Variants in NCAPD3 observed in about 807,000 individuals in gnomAD.
NCAPD3 encodes the protein condensin-2 complex subunit D3.
In NCAPD3, 105 loss-of-function variants were observed where a neutral mutation model predicts 182.9. The observed-to-expected ratio is 0.57, with a 90% CI of 0.49 to 0.68. The LOEUF is 0.68. NCAPD3 is among the 30% of genes least tolerant of loss of function. NCAPD3 has a pLI of 0.00. For synonymous variants in NCAPD3, 815 were observed against 679.9 expected (o/e 1.20, Z -3.09); for missense variants, 1,944 against 1,837.0 (o/e 1.06, Z -1.07).
chr11:134,167,635 A>C (rs1370623321), intron 27 of NCAPD3, among the ~76,000 whole-genome samples: 495 of 48,984 alleles, frequency 0.01, no homozygotes, highest in Middle Eastern at 0.056. Flanking sequence ...GGGGCACACT[A>C]GTGAGATGAG....
chr11:134,168,928 G>T lies in NCAPD3; in HGVS notation c.3228C>A (p.Pro1076=), dbSNP rs149247647. ...YEKHEKYNKF[P]QSEREKRLFS... is the part of the protein sequence containing the mutation. Reference sequence around the variant, plus strand: ...GCTGCTTCACTGACCTCTCTGACTGGGGGAACTTGTTGTACTTCTCATGCT... The same window carrying T: ...GCTGCTTCACTGACCTCTCTGACTGTGGGAACTTGTTGTACTTCTCATGCT... The change falls in exon 25 of 35, where the codon CCC becomes CCA. Residue 1076 remains proline, a synonymous_variant. Coordinates refer to ENST00000534548, the MANE Select transcript of NCAPD3 (RefSeq NM_015261.3). 1,425 of 1,613,178 alleles carry T rather than the reference G, an allele frequency of 8.8e-4. 4 individuals carry two copies. Among genetic ancestry groups the T allele is most frequent in the Non-Finnish European group, 7.6e-4 (895 of 1,179,532 alleles).
chr11:134,168,141 G>C lies in NCAPD3; in HGVS notation c.3428C>G (p.Ser1143Ter). 2 of 1,614,160 alleles carry C rather than the reference G, an allele frequency of 1.2e-6. No individual in the cohort carries two copies. Among genetic ancestry groups the C allele is most frequent in the Non-Finnish European group, 1.7e-6 (2 of 1,180,002 alleles). ...TGAGCTGAGGACCTCAAACGTGTCT[G>C]AGAGTAACTCACTGGCGTCCAGGTC... ...PLDLDASELL[S>*]DTFEVLSSKE... The change falls in exon 27 of 35, where the codon TCA becomes TGA. Residue 1143 changes from serine (S) to a stop codon, truncating the protein, a stop_gained. Transcript: ENST00000534548. LOFTEE classifies it high-confidence loss of function.
intron 22 of NCAPD3, chr11:134,177,796 C>T (rs570024812): frequency 3.5e-6 from 1 of 282,904 alleles, no homozygotes; most frequent in African/African-American, 2.2e-5. Context: ...ACATTTTACT[C>T]CTGATTATAC....
At chr11:134,202,353 G>A (rs1944767121) in intron 13 of NCAPD3, among the ~76,000 whole-genome samples, 1 of 152,096 alleles carries the variant, frequency 6.6e-6, no homozygotes. Context: ...TAACTAAGCT[G>A]GTACAAAAAA....
chr11:134,190,636 G>A (rs184676192), intron 16 of NCAPD3, among the ~76,000 whole-genome samples: 75 of 152,216 alleles, frequency 4.9e-4, no homozygotes, highest in Non-Finnish European at 1.9e-4. Context: ...ACAGGCGTGC[G>A]CCACCACAAA....
intron 20 of NCAPD3, among the ~76,000 whole-genome samples, chr11:134,179,753 A>G (rs1331706418): frequency 6.6e-6 from 1 of 152,226 alleles, no homozygotes; most frequent in African/African-American, 2.4e-5. Context: ...TCAGTTTAAC[A>G]ACTAAGTAAT....
chr11:134,174,255 C>A lies in NCAPD3; in HGVS notation c.3101+2052G>T, dbSNP rs184046161. ...AAAACTAGCCGAGTATGGTGGCATG[C>A]ACCTGTAGTCCGAGTTATCTGGGAG... On this transcript the variant is annotated intron_variant, in intron 24 of 34. Transcript: ENST00000534548. Among the ~76,000 whole-genome samples the A allele has an allele frequency of 3.2e-4, 48 of 151,618 alleles. 1 individual carries two copies. Among genetic ancestry groups the A allele is most frequent in the Non-Finnish European group, 6.8e-4 (46 of 67,876 alleles).
Position 134,178,811 on chromosome 11 carries a change from A to C in NCAPD3, c.2674+11T>G, listed in dbSNP as rs1398534687. ...CATGCGTGCTACAGAGTATGATTTC[A>C]AATGCCTTACAGTGGTCAGCATCAG... On this transcript the variant is annotated intron_variant, in intron 21 of 34. Coordinates refer to ENST00000534548, the MANE Select transcript of NCAPD3 (RefSeq NM_015261.3). The C allele has an allele frequency of 3.7e-6, 6 of 1,613,638 alleles. No homozygotes were observed. Among genetic ancestry groups the C allele is most frequent in the Non-Finnish European group, 5.1e-6 (6 of 1,179,660 alleles).
chr11:134,223,816 T>C (rs370240668), intron 1 of NCAPD3, 47 bp downstream of exon 1: 16 of 1,497,806 alleles, frequency 1.1e-5, no homozygotes, highest in Middle Eastern at 2.0e-4. Flanking sequence ...CGGGGACGCA[T>C]AGGACCCTCG....
At chr11:134,172,015 G>A (rs1944017473) in intron 24 of NCAPD3, among the ~76,000 whole-genome samples, 1 of 152,144 alleles carries the variant, frequency 6.6e-6, no homozygotes, top group Non-Finnish European at 1.5e-5. Flanking sequence ...ATGCCCCTCA[G>A]GAAACCTACA....
rs149891979 is a variant in NCAPD3, at chr11:134,174,055, C to T, written c.3101+2252G>A. Among the ~76,000 whole-genome samples the T allele has an allele frequency of 1.4e-4, 22 of 152,080 alleles. No homozygotes were observed. In the East Asian group the frequency reaches 3.5e-3, roughly 24 times the overall value. ...TCATAAAAAATTCAATAGGCTCTGC[C>T]ACCATAGTCTCTTCCTAAGATCTGC... On this transcript the variant is annotated intron_variant, in intron 24 of 34. Transcript: ENST00000534548.
intron 19 of NCAPD3, among the ~76,000 whole-genome samples, chr11:134,184,267 G>T (rs1329615908): frequency 6.6e-6 from 1 of 152,214 alleles, no homozygotes; most frequent in Non-Finnish European, 1.5e-5. Context: ...TGTTCTGGAG[G>T]GAACTTCCTG....
Position 134,181,792 on chromosome 11 carries a change from A to T in NCAPD3, c.2452-608T>A, listed in dbSNP as rs527253511. On this transcript the variant is annotated intron_variant, in intron 19 of 34. Coordinates refer to ENST00000534548, the MANE Select transcript of NCAPD3 (RefSeq NM_015261.3). ...TGTAGGAAACCATTCCAAAACACCT[A>T]GGTTGAGCTAAGGGCCTCCACCCCC... 3.3e-5 allele frequency among the ~76,000 whole-genome samples: 5 copies of T among 152,278 alleles called. No individual in the cohort carries two copies. In the East Asian group the frequency reaches 9.7e-4, roughly 29 times the overall value.
At chr11:134,186,999 T>C (rs1032994638) in intron 16 of NCAPD3, among the ~76,000 whole-genome samples, 9 of 152,210 alleles carry the variant, frequency 5.9e-5, no homozygotes, top group East Asian at 1.9e-4. Context: ...GTTTATTATA[T>C]GTAGCCAACA....
intron 17 of NCAPD3, 87 bp from the exon 18 acceptor site, chr11:134,185,087 G>A: frequency 9.0e-7 from 1 of 1,110,966 alleles, no homozygotes; most frequent in Non-Finnish European, 1.4e-6. Flanking sequence ...TAATAACACT[G>A]GAGGAAGCAG....
chr11:134,169,743 CTG>C (rs911639371), intron 24 of NCAPD3, among the ~76,000 whole-genome samples: 4 of 152,206 alleles, frequency 2.6e-5, no homozygotes, highest in Admixed American at 2.0e-4. Flanking sequence ...AACAGGCAAA[CTG>C]TTTGACTACA....
chr11:134,158,425 C>T lies in NCAPD3; in HGVS notation c.3938G>A (p.Ser1313Asn), dbSNP rs1943487888. 6.2e-7 allele frequency: 1 copy of T among 1,614,224 alleles called. No homozygotes were observed. The change falls in exon 30 of 35, where the codon AGC (serine) becomes AAC (asparagine). Residue 1313 changes from serine (S) to asparagine (N), a missense_variant. Coordinates refer to ENST00000534548, the MANE Select transcript of NCAPD3 (RefSeq NM_015261.3). Reference sequence around the variant, plus strand: ...ACTTGCCCTGGGTGTGCAGGGCTGGCTCACGGCAGGTGACATGGCAGGGTT... The same window carrying T: ...ACTTGCCCTGGGTGTGCAGGGCTGGTTCACGGCAGGTGACATGGCAGGGTT... ...QENPAMSPAV[S>N]QPCTPRASAG...
At chr11:134,165,361 G>T (rs1943743698) in intron 27 of NCAPD3, among the ~76,000 whole-genome samples, 2 of 150,828 alleles carry the variant, frequency 1.3e-5, no homozygotes, top group Admixed American at 1.3e-4. Flanking sequence ...AGCTTGGGAA[G>T]GGCGCACTCG....
chr11:134,157,187 A>T, intron 31 of NCAPD3, 92 bp from the exon 32 acceptor site: 1 of 1,010,396 alleles, frequency 9.9e-7, no homozygotes, highest in African/African-American at 1.6e-5. Flanking sequence ...TGCAAGACGT[A>T]AAGTCAAAAT....
Sources: allele counts gnomAD v4.1 joint callset (sites outside exome capture counted in the v4.1 genomes callset), GRCh38; gene constraint gnomAD v4.1.1; transcripts MANE v1.5; gene names NCBI Gene and HGNC (gene_info 2026-07-23, HGNC 2026-07-21).